Variants in COXFA4L2 observed in about 807,000 individuals in gnomAD.
COXFA4L2 encodes NADH dehydrogenase (ubiquinone) 1 alpha subcomplex, 4-like 2.
chr12:57,237,225 C>T, the COXFA4L2 span: 1 of 1,526,414 alleles, frequency 6.6e-7, no homozygotes, highest in East Asian at 2.4e-5. Flanking sequence ...GGACTCACCC[C>T]ACCCCAACTT....
the COXFA4L2 span, chr12:57,236,621 G>A: frequency 3.8e-6 from 6 of 1,584,650 alleles, no homozygotes; most frequent in South Asian, 4.6e-5. Flanking sequence ...AGGGCGAGTC[G>A]CAGCAAGTAA....
At chr12:57,236,864 G>A in the COXFA4L2 span, among the ~76,000 whole-genome samples, 1 of 152,154 alleles carries the variant, frequency 6.6e-6, no homozygotes, top group African/African-American at 2.4e-5. Context: ...GTCCAAGGTA[G>A]TAGATTTGTG....
At chr12:57,240,226 G>A in the COXFA4L2 span, 1 of 152,108 alleles carries the variant, frequency 6.6e-6, no homozygotes, top group Admixed American at 6.5e-5. Flanking sequence ...GTGAGCGAAC[G>A]AGTGAGACAA....
chr12:57,235,847 C>T, the COXFA4L2 span: 2 of 1,504,092 alleles, frequency 1.3e-6, no homozygotes, highest in African/African-American at 2.8e-5. Context: ...GGTCTCCTCC[C>T]TGGGACCCAG....
At chr12:57,238,406 G>C in the COXFA4L2 span, among the ~76,000 whole-genome samples, 1 of 149,950 alleles carries the variant, frequency 6.7e-6, no homozygotes, top group Non-Finnish European at 1.5e-5. This position sits in a 1 kb window ranked among gnomAD's most constrained non-coding sequence, Gnocchi z 6.8. Context: ...TGCGATGTGT[G>C]TGGGGGGGGC....
At chr12:57,237,155 G>T in the COXFA4L2 span, 3 of 1,613,726 alleles carry the variant, frequency 1.9e-6, no homozygotes, top group Non-Finnish European at 2.5e-6. Context: ...TCCCGCCCCT[G>T]AGTGGGGAGG....
chr12:57,238,166 C>CG, the COXFA4L2 span, among the ~76,000 whole-genome samples: 1 of 152,054 alleles, frequency 6.6e-6, no homozygotes, highest in Non-Finnish European at 1.5e-5. The surrounding 1 kb of genome is among the most constrained non-coding windows in gnomAD (Gnocchi z 6.8). Flanking sequence ...GTGGAGGGCG[C>CG]GGGCGGGAGC....
At chr12:57,239,118 C>T in the COXFA4L2 span, among the ~76,000 whole-genome samples, 2 of 152,248 alleles carry the variant, frequency 1.3e-5, no homozygotes, top group Non-Finnish European at 2.9e-5. This position sits in a 1 kb window ranked among gnomAD's most constrained non-coding sequence, Gnocchi z 5.5. Flanking sequence ...GGACTCCAAG[C>T]GCTAACCCGC....
chr12:57,237,481 G>A, the COXFA4L2 span: 1 of 530,498 alleles, frequency 1.9e-6, no homozygotes, highest in Non-Finnish European at 2.8e-6. Context: ...TCACAGGTGG[G>A]ACCAGGAGGG....
the COXFA4L2 span, chr12:57,236,670 C>T: frequency 6.4e-7 from 1 of 1,568,266 alleles, no homozygotes; most frequent in South Asian, 1.2e-5. Context: ...TTAAGCCGAT[C>T]ATCGGGATGA....
the COXFA4L2 span, chr12:57,236,311 A>G: frequency 2.2e-6 from 1 of 464,454 alleles, no homozygotes. Context: ...GGTACCCAAA[A>G]GCCCAAGCCC....
At chr12:57,239,768 G>A in the COXFA4L2 span, 2 of 153,240 alleles carry the variant, frequency 1.3e-5, no homozygotes, top group Non-Finnish European at 2.9e-5. The surrounding 1 kb of genome is among the most constrained non-coding windows in gnomAD (Gnocchi z 5.5). Context: ...CCTCTGCATC[G>A]GTTTTTCTGT....
chr12:57,236,472 A>G, the COXFA4L2 span: 455 of 804,680 alleles, frequency 5.7e-4, 4 homozygotes, highest in East Asian at 0.011. Flanking sequence ...CAGCCCTGAG[A>G]TGCCGGTCGG....
chr12:57,237,098 C>G, the COXFA4L2 span: 1 of 1,614,214 alleles, frequency 6.2e-7, no homozygotes, highest in Non-Finnish European at 8.5e-7. Flanking sequence ...CGTTGTTTTC[C>G]CAGTCTGGTC....
At chr12:57,235,278 A>AG in the COXFA4L2 span, 1 of 546,586 alleles carries the variant, frequency 1.8e-6, no homozygotes, top group Admixed American at 3.1e-5. Context: ...CCCGGGTAGG[A>AG]GGGCAGAGGG....
chr12:57,237,437 G>C, the COXFA4L2 span: 340 of 993,570 alleles, frequency 3.4e-4, no homozygotes, highest in South Asian at 2.0e-3. Flanking sequence ...ATGGCCATGG[G>C]ACAGGCACTT....
At chr12:57,239,241 G>A in the COXFA4L2 span, among the ~76,000 whole-genome samples, 1 of 152,238 alleles carries the variant, frequency 6.6e-6, no homozygotes, top group Non-Finnish European at 1.5e-5. This position sits in a 1 kb window ranked among gnomAD's most constrained non-coding sequence, Gnocchi z 5.5. Flanking sequence ...AGGCCGAGCG[G>A]CCCCCAAGCT....
the COXFA4L2 span, chr12:57,237,152 CCT>C: frequency 2.8e-5 from 45 of 1,613,732 alleles, 1 homozygote; most frequent in East Asian, 8.9e-4. Flanking sequence ...GGGTCCCGCC[CCT>C]GAGTGGGGAG....
the COXFA4L2 span, chr12:57,236,718 C>G: frequency 9.9e-6 from 15 of 1,518,136 alleles, no homozygotes; most frequent in South Asian, 1.9e-4. Flanking sequence ...GGGGTCAGCC[C>G]TCTCCCCGCA....
Sources: gnomAD v4.1 joint callset for allele counts (sites outside exome capture counted in the v4.1 genomes callset) on GRCh38, gnomAD v4.1.1 for gene constraint, Gnocchi (gnomAD v3.1) non-coding constraint, MANE v1.5 for transcripts, NCBI Gene and HGNC (gene_info 2026-07-23, HGNC 2026-07-21) for gene names.